KIAA0825: variants seen among roughly 807,000 people sequenced by gnomAD.
KIAA0825 encodes the protein KIAA0825, also known as uncharacterized protein KIAA0825.
Under a neutral mutation model 147.6 loss-of-function variants are expected in KIAA0825, and 119 were observed. That is an observed-to-expected ratio of 0.81 (90% CI 0.69 to 0.94). The LOEUF (loss-of-function observed/expected upper bound fraction) is 0.94. Ranked by LOEUF, KIAA0825 falls within the 40% of genes least tolerant of loss-of-function variation. The probability of loss-of-function intolerance (pLI) is 0.00; values close to 1 mark genes in which losing one functional copy is unlikely to be tolerated. For missense variants in KIAA0825, 1,381 were observed against 1,472.7 expected (o/e 0.94, Z 1.02); for synonymous variants, 470 against 518.1 (o/e 0.91, Z 1.26).
At chr5:94,505,494 T>G (rs1205010430) in intron 5 of KIAA0825, among the ~76,000 whole-genome samples, 1 of 152,016 alleles carries the variant, frequency 6.6e-6, no homozygotes, top group Non-Finnish European at 1.5e-5. Flanking sequence ...GCATAAAATA[T>G]GTCAGCCCCC....
At chr5:94,367,483 A>C (rs1338147108) in intron 20 of KIAA0825, among the ~76,000 whole-genome samples, 2 of 152,134 alleles carry the variant, frequency 1.3e-5, no homozygotes, top group East Asian at 3.8e-4. Context: ...GGGCAACAAG[A>C]GCGACACTCG....
At chr5:94,428,106 G>T (rs948519140) in intron 14 of KIAA0825, among the ~76,000 whole-genome samples, 3 of 151,388 alleles carry the variant, frequency 2.0e-5, no homozygotes, top group African/African-American at 7.3e-5. Context: ...TTACATGTGA[G>T]ATGGGTCTCT....
intron 14 of KIAA0825, among the ~76,000 whole-genome samples, chr5:94,439,763 A>T (rs1756840301): frequency 6.6e-6 from 1 of 152,214 alleles, no homozygotes; most frequent in Non-Finnish European, 1.5e-5. Flanking sequence ...AGTGTCATAT[A>T]AAAATATAGT....
rs1389983035 is a variant in KIAA0825 at position 94,151,596 on chromosome 5, T to C, written c.*2411A>G. Among the ~76,000 whole-genome samples, 1 of 152,148 alleles carries C rather than the reference T, an allele frequency of 6.6e-6. No homozygotes were observed. Among genetic ancestry groups the C allele is most frequent in the Non-Finnish European group, 1.5e-5 (1 of 68,034 alleles). On this transcript the variant is annotated 3_prime_UTR_variant, in exon 21 of 21. Transcript: ENST00000682413. ...AATTCAACTGCAAGGCCTCTTTCTC[T>C]CCTACTTTTATCTTCCTTTAAACTC... is the stretch of plus-strand genomic sequence containing the variant.
intron 12 of KIAA0825, among the ~76,000 whole-genome samples, chr5:94,456,113 A>T (rs1433071710): frequency 6.6e-6 from 1 of 152,170 alleles, no homozygotes; most frequent in African/African-American, 2.4e-5. Context: ...GGGACAAGAC[A>T]TGGAAGTCTT....
chr5:94,182,608 G>A (rs1054179736), intron 20 of KIAA0825, among the ~76,000 whole-genome samples: 1 of 151,806 alleles, frequency 6.6e-6, no homozygotes, highest in Admixed American at 6.6e-5. Flanking sequence ...TCCATCTCCA[G>A]TCTCGCCTCC....
At chr5:94,478,725 G>A (rs1762170939) in intron 6 of KIAA0825, among the ~76,000 whole-genome samples, 1 of 151,998 alleles carries the variant, frequency 6.6e-6, no homozygotes, top group Admixed American at 6.6e-5. Flanking sequence ...ATTAGTCAAA[G>A]ATTTTTAAAT....
chr5:94,345,245 G>A (rs773730924), intron 20 of KIAA0825, among the ~76,000 whole-genome samples: 1 of 152,032 alleles, frequency 6.6e-6, no homozygotes, highest in Non-Finnish European at 1.5e-5. Flanking sequence ...TTAAATGAAC[G>A]TTTGCCTTAT....
chr5:94,169,244 T>C lies in KIAA0825; in HGVS notation c.3711-15120A>G, dbSNP rs549546824. 1.8e-4 allele frequency among the ~76,000 whole-genome samples: 27 copies of C among 152,332 alleles called. No individual in the cohort carries two copies. The South Asian group carries it at 4.4e-3, about 25-fold the overall frequency. The stretch of plus-strand genomic sequence containing the variant: ...TGTGTTTAGAAAAGGATTTGAAATA[T>C]AGGCCTGACTCATATTTTGATTGAA... On this transcript the variant is annotated intron_variant, in intron 20 of 20. Coordinates refer to ENST00000682413, the MANE Select transcript of KIAA0825 (RefSeq NM_001145678.3).
rs1749123242 is a variant in KIAA0825, at chr5:94,386,237, T to C, written c.3619+5A>G. The C allele has an allele frequency of 1.3e-6, 2 of 1,526,200 alleles. No individual in the cohort carries two copies. Among genetic ancestry groups the C allele is most frequent in the South Asian group, 2.5e-5 (2 of 79,536 alleles). The allele number at this position is 1,526,200 out of a possible 1,614,324, so 94.5% of individuals were successfully genotyped here. A position where few individuals can be genotyped will look rare whatever the true frequency, so the allele number is the denominator to read the frequency against. On this transcript the variant is annotated splice_donor_5th_base_variant and intron_variant, in intron 19 of 20. Transcript: ENST00000682413. ...TTTAAATTAAATTTACCATTTAATT[T>C]CCACATACCTGATCTAGCATGTTTT...
chr5:94,410,894 G>A (rs1752673429), intron 15 of KIAA0825, among the ~76,000 whole-genome samples: 1 of 149,818 alleles, frequency 6.7e-6, no homozygotes, highest in Admixed American at 6.7e-5. Context: ...AATACCTATT[G>A]GAAACTCAGA....
At chr5:94,499,827 T>C (rs1049288343) in intron 5 of KIAA0825, among the ~76,000 whole-genome samples, 1 of 152,196 alleles carries the variant, frequency 6.6e-6, no homozygotes, top group Non-Finnish European at 1.5e-5. Flanking sequence ...ATAATTCTTG[T>C]CCTTAAGGTG....
intron 20 of KIAA0825, among the ~76,000 whole-genome samples, chr5:94,251,132 C>T (rs1775937565): frequency 6.6e-6 from 1 of 152,000 alleles, no homozygotes. Context: ...TTCGACAACA[C>T]TCAACAGTCT....
chr5:94,301,807 A>G (rs1321463956), intron 20 of KIAA0825, among the ~76,000 whole-genome samples: 1 of 152,172 alleles, frequency 6.6e-6, no homozygotes, highest in Non-Finnish European at 1.5e-5. Context: ...TGACCAAGTT[A>G]TGCTGATTAC....
intron 20 of KIAA0825, among the ~76,000 whole-genome samples, chr5:94,328,624 T>C (rs1402952876): frequency 6.6e-6 from 1 of 152,094 alleles, no homozygotes; most frequent in Non-Finnish European, 1.5e-5. Context: ...TACTAATGTT[T>C]TGAACTACAA....
intron 17 of KIAA0825, among the ~76,000 whole-genome samples, chr5:94,394,867 G>T (rs1292718544): frequency 6.6e-6 from 1 of 152,038 alleles, no homozygotes; most frequent in Non-Finnish European, 1.5e-5. Flanking sequence ...TGCCACCCAT[G>T]GGACACTCCA....
chr5:94,445,468 A>T (rs371251205), intron 13 of KIAA0825, among the ~76,000 whole-genome samples: 1 of 152,154 alleles, frequency 6.6e-6, no homozygotes, highest in South Asian at 2.1e-4. Flanking sequence ...AGACTGTTGG[A>T]CTACATGCTG....
In KIAA0825 at chr5:94,517,440, T is replaced by C. The variant is rs925268618; in HGVS notation, c.970+2808A>G. Among the ~76,000 whole-genome samples the C allele has an allele frequency of 5.3e-5, 8 of 152,104 alleles. 1 individual carries two copies. In the South Asian group the frequency reaches 6.2e-4, roughly 12 times the overall value. ...GATAGATAGACAGATAGATGATAGATGAATGATGGAAAATTTACAGGTCAT... is the reference window on the plus strand; with the variant it reads ...GATAGATAGACAGATAGATGATAGACGAATGATGGAAAATTTACAGGTCAT... On this transcript the variant is annotated intron_variant, in intron 5 of 20. Coordinates refer to ENST00000682413, the MANE Select transcript of KIAA0825 (RefSeq NM_001145678.3).
At position 94,471,534 on chromosome 5, in the gene KIAA0825, GA is replaced by G; in HGVS notation, c.1652del (p.Leu551ProfsTer17). On this transcript the variant is annotated frameshift_variant, in exon 9 of 21. Coordinates refer to ENST00000682413, the MANE Select transcript of KIAA0825 (RefSeq NM_001145678.3). LOFTEE classifies it high-confidence loss of function. ...KAPLKNLHTY[L>X]STAVYVFQHF... The stretch of plus-strand genomic sequence containing the variant: ...GCTGGAAGACATACACCGCTGTGGA[GA>G]GGTATGTGTGCAAGTTTTTCAGGGG... The G allele has an allele frequency of 6.4e-7, 1 of 1,552,060 alleles. No individual in the cohort carries two copies. Among genetic ancestry groups the G allele is most frequent in the Non-Finnish European group, 8.7e-7 (1 of 1,147,080 alleles).
Sources: allele counts gnomAD v4.1 joint callset (sites outside exome capture counted in the v4.1 genomes callset), GRCh38; gene constraint gnomAD v4.1.1; transcripts MANE v1.5; gene names NCBI Gene and HGNC (gene_info 2026-07-23, HGNC 2026-07-21).